The following ARHGEF28 variants were observed in gnomAD, a reference collection of about 807,000 sequenced individuals.
ARHGEF28 encodes the protein 190 kDa guanine nucleotide exchange factor.
ARHGEF28 carries 152 observed loss-of-function variants against 206.6 expected under a neutral mutation model. That is an observed-to-expected ratio of 0.74 (90% CI 0.64 to 0.84). ARHGEF28 has a LOEUF of 0.84. ARHGEF28 is among the 40% of genes least tolerant of loss of function. The pLI is 0.00. For missense variants in ARHGEF28, 2,028 were observed against 2,073.2 expected, an observed-to-expected ratio of 0.98 and a Z score of 0.42; for synonymous variants, 763 against 776.4, an observed-to-expected ratio of 0.98 and a Z score of 0.29.
intron 35 of ARHGEF28, among the ~76,000 whole-genome samples, chr5:73,920,012 AT>A (rs1156416916): frequency 1.3e-5 from 2 of 152,216 alleles, no homozygotes; most frequent in Non-Finnish European, 2.9e-5. Context: ...TTTGATAAAC[AT>A]TTATGAAATG....
At position 73,867,948 on chromosome 5, in the gene ARHGEF28, C is replaced by T. The variant is rs192863392; in HGVS notation, c.2225C>T (p.Pro742Leu). 2.8e-5 allele frequency: 45 copies of T among 1,613,962 alleles called. No individual in the cohort carries two copies. Among genetic ancestry groups the T allele is most frequent in the East Asian group, 6.7e-5 (3 of 44,884 alleles). The change falls in exon 19 of 36, where the codon CCG (proline) becomes CTG (leucine). Residue 742 changes from proline to leucine, a missense_variant. By Grantham distance (98) the Pro-to-Leu change is moderately conservative. Around this residue, in one of 3 missense-constraint regions of ARHGEF28, gnomAD observed 1,002 missense variants for 1,015.3 expected, o/e 0.99. Coordinates refer to ENST00000513042, the MANE Select transcript of ARHGEF28 (RefSeq NM_001177693.2). The part of the protein sequence containing the change: ...HPSSSVPVGL[P>L]TGRRETVGQV... Reference sequence around the variant, plus strand: ...TCTTCCTCCGTGCCTGTTGGATTGCCGACTGGAAGGAGGGAGACTGTGGGA... The same window carrying T: ...TCTTCCTCCGTGCCTGTTGGATTGCTGACTGGAAGGAGGGAGACTGTGGGA...
intron 1 of ARHGEF28, among the ~76,000 whole-genome samples, chr5:73,640,765 T>C (rs1744028739): frequency 6.6e-6 from 1 of 152,198 alleles, no homozygotes; most frequent in Admixed American, 6.5e-5. Flanking sequence ...AATGAAGTTA[T>C]AGAAATTAAC....
chr5:73,825,612 G>A (rs1266703660), intron 9 of ARHGEF28, among the ~76,000 whole-genome samples: 1 of 152,186 alleles, frequency 6.6e-6, no homozygotes, highest in Non-Finnish European at 1.5e-5. Context: ...GCTATGGAGG[G>A]CCAAGAGTAG....
At position 73,909,563 on chromosome 5, in the gene ARHGEF28, C is replaced by G; in HGVS notation, c.4313C>G (p.Ala1438Gly). Residue 1438 changes from alanine (A) to glycine (G), a missense_variant, in exon 34 of 36, where the codon GCC (alanine) becomes GGC (glycine). By Grantham distance (60) the Ala-to-Gly change is moderately conservative (BLOSUM62 0). Coordinates refer to ENST00000513042, the MANE Select transcript of ARHGEF28 (RefSeq NM_001177693.2). ...RDADRQHEEL[A>G]NVHQLQHQLQ... ...GCGGACAGGCAGCATGAGGAGCTGGCCAATGTGCACCAGCTTCAGCACCAG... is the reference window on the plus strand; with the variant it reads ...GCGGACAGGCAGCATGAGGAGCTGGGCAATGTGCACCAGCTTCAGCACCAG... The G allele has an allele frequency of 6.4e-7, 1 of 1,570,374 alleles. No individual in the cohort carries two copies. The highest frequency in any genetic ancestry group is 8.6e-7 in the Non-Finnish European group (1 of 1,157,958).
At chr5:73,692,935 TA>T (rs1014362153) in intron 2 of ARHGEF28, among the ~76,000 whole-genome samples, 1 of 152,202 alleles carries the variant, frequency 6.6e-6, no homozygotes, top group African/African-American at 2.4e-5. Flanking sequence ...CCCAGTGGGC[TA>T]CCTATGACTG....
chr5:73,635,541 T>C (rs1379792840), intron 1 of ARHGEF28, among the ~76,000 whole-genome samples: 1 of 152,212 alleles, frequency 6.6e-6, no homozygotes, highest in Non-Finnish European at 1.5e-5. Flanking sequence ...CTTTAGGTAG[T>C]GATTTCATTG....
chr5:73,916,149 A>C (rs1177185092), intron 35 of ARHGEF28, among the ~76,000 whole-genome samples: 1 of 152,202 alleles, frequency 6.6e-6, no homozygotes, highest in Admixed American at 6.5e-5. Flanking sequence ...ATGAAAACCT[A>C]TGCCATACTT....
intron 2 of ARHGEF28, among the ~76,000 whole-genome samples, chr5:73,688,174 A>G (rs1285181404): frequency 1.3e-5 from 2 of 152,168 alleles, no homozygotes; most frequent in Non-Finnish European, 2.9e-5. Flanking sequence ...ATTACAACAG[A>G]CTTTTAAAAA....
intron 30 of ARHGEF28, chr5:73,900,347 C>G (rs1163522919): frequency 6.6e-6 from 1 of 152,178 alleles, no homozygotes; most frequent in Non-Finnish European, 1.5e-5. Flanking sequence ...TAATAAAACA[C>G]TGTTTTGGGC....
intron 2 of ARHGEF28, among the ~76,000 whole-genome samples, chr5:73,746,614 ATTT>A (rs1330050974): frequency 6.6e-6 from 1 of 152,046 alleles, no homozygotes; most frequent in Non-Finnish European, 1.5e-5. Context: ...GCTTTTATGG[ATTT>A]TTATGTTAGA....
chr5:73,851,207 G>GT (rs1010800918), intron 13 of ARHGEF28, among the ~76,000 whole-genome samples: 6 of 152,124 alleles, frequency 3.9e-5, no homozygotes, highest in African/African-American at 1.4e-4. Context: ...TTCTTGATGA[G>GT]TTTTGAATAG....
intron 1 of ARHGEF28, among the ~76,000 whole-genome samples, chr5:73,636,229 C>T (rs1017694203): frequency 7.9e-5 from 12 of 152,134 alleles, no homozygotes; most frequent in African/African-American, 2.9e-4. Flanking sequence ...AAAAATGAAC[C>T]CTCTAGGTTA....
intron 4 of ARHGEF28, 109 bp from the exon 5 acceptor site, chr5:73,773,746 C>T: frequency 9.0e-7 from 1 of 1,116,496 alleles, no homozygotes; most frequent in South Asian, 1.9e-5. Flanking sequence ...TAATTTCTTC[C>T]AACTCTGACA....
chr5:73,911,495 G>C lies in ARHGEF28; in HGVS notation c.4868G>C (p.Ser1623Thr), dbSNP rs767250356. 11 of 1,613,890 alleles carry C rather than the reference G, an allele frequency of 6.8e-6. No homozygotes were observed. Among genetic ancestry groups the C allele is most frequent in the Non-Finnish European group, 8.5e-6 (10 of 1,179,856 alleles). ...GACCCTTCTCAGCCTTCGAATGTCA[G>C]TCACAAACTGTGGACAGCCGCTGGT... ...KVDPSQPSNV[S>T]HKLWTAAGSG... Residue 1623 changes from serine to threonine, a missense_variant, in exon 35 of 36, where the codon AGT (serine) becomes ACT (threonine). Coordinates refer to ENST00000513042, the MANE Select transcript of ARHGEF28 (RefSeq NM_001177693.2).
At chr5:73,868,250 T>C in intron 20 of ARHGEF28, 23 bp downstream of exon 20, 14 of 1,538,718 alleles carry the variant, frequency 9.1e-6, no homozygotes, top group Non-Finnish European at 1.2e-5. Flanking sequence ...CACACTTCCA[T>C]TTATTTGTGT....
intron 1 of ARHGEF28, among the ~76,000 whole-genome samples, chr5:73,636,374 T>G (rs1400592244): frequency 6.6e-6 from 1 of 152,260 alleles, no homozygotes; most frequent in Admixed American, 6.5e-5. Flanking sequence ...ACATGAATGT[T>G]AACAGTAATT....
intron 18 of ARHGEF28, among the ~76,000 whole-genome samples, chr5:73,867,253 G>A (rs1439557586): frequency 1.8e-4 from 28 of 152,106 alleles, no homozygotes; most frequent in Non-Finnish European, 2.2e-4. Context: ...ATATGGGACC[G>A]AAATGTCTTC....
chr5:73,767,044 A>C (rs988445631), intron 4 of ARHGEF28, among the ~76,000 whole-genome samples: 1 of 152,098 alleles, frequency 6.6e-6, no homozygotes, highest in African/African-American at 2.4e-5. Context: ...ATGAGATCTG[A>C]TGGTTTTTAA....
At chr5:73,867,143 T>C (rs777588795) in intron 18 of ARHGEF28, among the ~76,000 whole-genome samples, 1 of 152,194 alleles carries the variant, frequency 6.6e-6, no homozygotes, top group Non-Finnish European at 1.5e-5. Flanking sequence ...CCTCTTCACA[T>C]GGGAGTCATA....
Sources: allele counts gnomAD v4.1 joint callset (sites outside exome capture counted in the v4.1 genomes callset), GRCh38; gene constraint gnomAD v4.1.1; regional missense constraint gnomAD v4.1.1; transcripts MANE v1.5; gene names NCBI Gene and HGNC (gene_info 2026-07-23, HGNC 2026-07-21).